DOP1B: variants seen among roughly 807,000 people sequenced by gnomAD.
DOP1B encodes the protein protein DOP1B.
Under a neutral mutation model 233.5 loss-of-function variants are expected in DOP1B, and 174 were observed. That is an observed-to-expected ratio of 0.75 (90% CI 0.66 to 0.85). DOP1B has a LOEUF of 0.85. Among genes scored for constraint, DOP1B ranks in the 40% least tolerant of loss-of-function variants. The probability of loss-of-function intolerance (pLI) is 0.00; values close to 1 mark genes in which losing one functional copy is unlikely to be tolerated. For missense variants in DOP1B, 2,652 were observed against 2,846.6 expected (o/e 0.93, Z 1.56); for synonymous variants, 1,190 against 1,185.6 (o/e 1.00, Z -0.08).
chr21:36,279,111 G>A (rs1282966386), intron 30 of DOP1B, among the ~76,000 whole-genome samples: 1 of 151,704 alleles, frequency 6.6e-6, no homozygotes, highest in Admixed American at 6.6e-5. Flanking sequence ...CTTTTCCTGA[G>A]ATAAAGAAAA....
At chr21:36,230,374 C>G in intron 13 of DOP1B, 76 bp from the exon 14 acceptor site, 1 of 1,443,758 alleles carries the variant, frequency 6.9e-7, no homozygotes, top group Admixed American at 2.1e-5. Context: ...AATTGAAATA[C>G]ATTCATGATT....
chr21:36,238,263 G>C (rs774675627), intron 16 of DOP1B, among the ~76,000 whole-genome samples: 1 of 152,138 alleles, frequency 6.6e-6, no homozygotes, highest in South Asian at 2.1e-4. Flanking sequence ...CCAGTCTGTT[G>C]TGTCTCCTCG....
intron 21 of DOP1B, among the ~76,000 whole-genome samples, chr21:36,250,098 C>T (rs970324936): frequency 2.0e-5 from 3 of 151,834 alleles, no homozygotes; most frequent in South Asian, 2.1e-4. Context: ...CGATAAAGGC[C>T]GATGCTCATT....
intron 2 of DOP1B, among the ~76,000 whole-genome samples, chr21:36,167,533 T>C (rs985226554): frequency 2.0e-5 from 3 of 152,182 alleles, no homozygotes; most frequent in Non-Finnish European, 4.4e-5. Flanking sequence ...TTTTTCTTTT[T>C]CTTTATTGAG....
At chr21:36,274,748 C>T (rs1378071137) in intron 27 of DOP1B, among the ~76,000 whole-genome samples, 1 of 151,992 alleles carries the variant, frequency 6.6e-6, no homozygotes, top group Non-Finnish European at 1.5e-5. Context: ...GGGAATGGAG[C>T]AAGGGGAGAC....
chr21:36,241,760 C>G (rs1271769868), intron 18 of DOP1B, among the ~76,000 whole-genome samples: 1 of 140,748 alleles, frequency 7.1e-6, no homozygotes, highest in African/African-American at 2.7e-5. Flanking sequence ...AGGCTGGTCT[C>G]GAACTCCTGA....
intron 17 of DOP1B, 115 bp from the exon 18 acceptor site, chr21:36,239,650 G>A (rs1335372264): frequency 4.1e-6 from 5 of 1,207,732 alleles, no homozygotes; most frequent in Non-Finnish European, 5.6e-6. Flanking sequence ...AGTCCAGCTT[G>A]GGTGGAGGTC....
intron 24 of DOP1B, among the ~76,000 whole-genome samples, chr21:36,262,862 G>T (rs931301260): frequency 6.6e-6 from 1 of 151,778 alleles, no homozygotes; most frequent in Non-Finnish European, 1.5e-5. Flanking sequence ...CTGCACTCCA[G>T]CCTGGGTGAC....
Position 36,289,118 on chromosome 21 carries a change from C to T in DOP1B, c.6427C>T (p.Gln2143Ter), listed in dbSNP as rs370241915. Residue 2143 changes from glutamine (Q) to a stop codon, truncating the protein, a stop_gained, in exon 35 of 37, where the codon CAG (glutamine) becomes TAG (stop). Coordinates refer to ENST00000691173, the MANE Select transcript of DOP1B (RefSeq NM_001320714.2). LOFTEE classifies it high-confidence loss of function. The stretch of plus-strand genomic sequence containing the variant: ...TGGACCCTCAGTGGGGGAGATACCC[C>T]AGAGTGAACTCATCTTGTATTTATC... Reference protein sequence around the residue: ...ANGPSVGEIPQSELILYLSAC... With the variant: ...ANGPSVGEIP 2 of 1,614,112 alleles carry T rather than the reference C, an allele frequency of 1.2e-6. No homozygotes were observed. Among genetic ancestry groups the T allele is most frequent in the Non-Finnish European group, 1.7e-6 (2 of 1,179,988 alleles).
intron 4 of DOP1B, among the ~76,000 whole-genome samples, chr21:36,201,843 T>C (rs1253164140): frequency 6.6e-6 from 1 of 152,088 alleles, no homozygotes; most frequent in Non-Finnish European, 1.5e-5. Flanking sequence ...TGTGTGTGTG[T>C]GTGTGTGGTC....
Position 36,246,500 on chromosome 21 carries a change from T to G in DOP1B, c.4520T>G (p.Leu1507Arg). Residue 1507 changes from leucine (L) to arginine (R), a missense_variant, in exon 19 of 37, where the codon CTG becomes CGG. Coordinates refer to ENST00000691173, the MANE Select transcript of DOP1B (RefSeq NM_001320714.2). The surrounding 1 kb of genome is among the most constrained non-coding windows in gnomAD (Gnocchi z 5.1). ...GLLVSAVVRG[L>R]QPAYGYGMHP... ...CTGGTCTCTGCGGTGGTGAGGGGTC[T>G]GCAGCCCGCCTACGGTTACGGCATG... The G allele has an allele frequency of 6.2e-7, 1 of 1,614,164 alleles. No individual in the cohort carries two copies. Among genetic ancestry groups the G allele is most frequent in the Non-Finnish European group, 8.5e-7 (1 of 1,180,036 alleles).
intron 16 of DOP1B, 79 bp from the exon 17 acceptor site, chr21:36,238,522 T>TA: frequency 8.3e-7 from 1 of 1,203,774 alleles, no homozygotes; most frequent in Non-Finnish European, 1.2e-6. Flanking sequence ...ATCTATTGTT[T>TA]AAATGGGGTT....
At chr21:36,174,221 C>T (rs13051024) in intron 2 of DOP1B, among the ~76,000 whole-genome samples, 6,057 of 152,248 alleles carry the variant, frequency 0.04, 170 homozygotes, top group Non-Finnish European at 0.058. Flanking sequence ...GGCGTGGTGG[C>T]TCACGTGTGT....
rs758490622 is a variant in DOP1B at position 36,245,902 on chromosome 21, C to T, written c.3922C>T (p.His1308Tyr). ...LQTQVPNVCP[H>Y]SLLLELLTYL... ...GACCCAGGTCCCCAACGTGTGCCCC[C>T]ACTCTCTGCTCCTGGAGCTGCTCAC... is the stretch of plus-strand genomic sequence containing the variant. Residue 1308 changes from histidine to tyrosine, a missense_variant, in exon 19 of 37, where the codon CAC becomes TAC. His to Tyr is a moderately conservative substitution (Grantham distance 83). Transcript: ENST00000691173. The surrounding 1 kb of genome is among the most constrained non-coding windows in gnomAD (Gnocchi z 5.5). 2 of 1,613,710 alleles carry T rather than the reference C, an allele frequency of 1.2e-6. No individual in the cohort carries two copies. Among genetic ancestry groups the T allele is most frequent in the Non-Finnish European group, 1.7e-6 (2 of 1,180,028 alleles).
rs2066506106 is a variant in DOP1B, at chr21:36,212,112, A to G, written c.904+15A>G. On this transcript the variant is annotated intron_variant, in intron 7 of 36. Coordinates refer to ENST00000691173, the MANE Select transcript of DOP1B (RefSeq NM_001320714.2). ...ATGGTTACTAGGTACTGAGCAGTAT[A>G]CACCCTTTTAAAGTCAAAGTTAATA... is the stretch of plus-strand genomic sequence containing the variant. 8.4e-6 allele frequency: 13 copies of G among 1,552,092 alleles called. No homozygotes were observed. The highest frequency in any genetic ancestry group is 9.6e-6 in the Non-Finnish European group (11 of 1,151,240).
chr21:36,163,275 CA>C (rs1568992635), intron 1 of DOP1B, among the ~76,000 whole-genome samples: 1 of 144,388 alleles, frequency 6.9e-6, no homozygotes. Context: ...ACCCAGGAAG[CA>C]GAGGTTGCAG....
At chr21:36,195,135 G>C (rs1274724539) in intron 2 of DOP1B, among the ~76,000 whole-genome samples, 3 of 152,106 alleles carry the variant, frequency 2.0e-5, no homozygotes, top group African/African-American at 7.2e-5. Context: ...GTGGCCAGGA[G>C]TTCAAGACCA....
chr21:36,226,095 A>G (rs889356297), intron 12 of DOP1B, among the ~76,000 whole-genome samples: 2 of 152,146 alleles, frequency 1.3e-5, no homozygotes, highest in Non-Finnish European at 2.9e-5. Flanking sequence ...GAGAGGAGTA[A>G]CATCCTTGAT....
intron 1 of DOP1B, among the ~76,000 whole-genome samples, chr21:36,158,302 C>T (rs1173223006): frequency 6.6e-6 from 1 of 152,152 alleles, no homozygotes; most frequent in African/African-American, 2.4e-5. Context: ...ATTGCAAGAT[C>T]ATTGGCAAAA....
Sources: allele counts gnomAD v4.1 joint callset (sites outside exome capture counted in the v4.1 genomes callset), GRCh38; gene constraint gnomAD v4.1.1; non-coding constraint Gnocchi (gnomAD v3.1); transcripts MANE v1.5; gene names NCBI Gene and HGNC (gene_info 2026-07-23, HGNC 2026-07-21).